The following NAT10 variants were observed in gnomAD, a reference collection of about 807,000 sequenced individuals.
The protein encoded by NAT10 is RNA cytidine acetyltransferase.
A neutral mutation model predicts 132.2 loss-of-function variants in NAT10; 109 were observed. The ratio of observed to expected loss-of-function variants is 0.82; its 90% CI spans 0.71 to 0.97. NAT10 has a LOEUF of 0.97. Ranked by LOEUF, NAT10 falls within the 50% of genes least tolerant of loss-of-function variation. NAT10 has a pLI of 0.00. For missense variants in NAT10, 1,184 were observed against 1,263.4 expected, an observed-to-expected ratio of 0.94 and a Z score of 0.95; for synonymous variants, 479 against 478.0, an observed-to-expected ratio of 1.00 and a Z score of -0.03.
At position 34,135,289 on chromosome 11, in the gene NAT10, G is replaced by A. The variant is rs773368813; in HGVS notation, c.2026G>A (p.Glu676Lys). The A allele has an allele frequency of 5.0e-6, 8 of 1,613,402 alleles. 1 individual carries two copies. Among genetic ancestry groups the A allele is most frequent in the South Asian group, 4.4e-5 (4 of 91,070 alleles). The change falls in exon 19 of 29, where the codon GAG (glutamate) becomes AAG (lysine). Residue 676 changes from glutamate to lysine, a missense_variant and splice_region_variant. Physicochemically the swap from Glu to Lys is moderately conservative, Grantham distance 56. Transcript: ENST00000257829. ...ACAGGAAATTCACACCGTAAGCAGC[G>A]AGGTAAGCATCTTTCGACAGACCTC... ...TPQEIHTVSS[E>K]AVSLLEEVIT...
intron 12 of NAT10, among the ~76,000 whole-genome samples, chr11:34,128,362 C>CA (rs914837839): frequency 0.018 from 1,202 of 67,174 alleles, 6 homozygotes; most frequent in Middle Eastern, 0.053. Context: ...AAAAACAAAA[C>CA]AAAAAAAAAA....
intron 23 of NAT10, among the ~76,000 whole-genome samples, chr11:34,140,143 G>A (rs1400898077): frequency 1.3e-5 from 2 of 152,066 alleles, no homozygotes; most frequent in South Asian, 2.1e-4. Context: ...GCCACAGGGA[G>A]CTTTTCCTTG....
In NAT10 at chr11:34,146,332, G is replaced by T. The variant is rs1402815857; in HGVS notation, c.*140G>T. The T allele has an allele frequency of 4.9e-6, 3 of 608,672 alleles. No individual in the cohort carries two copies. Among genetic ancestry groups the T allele is most frequent in the Non-Finnish European group, 8.6e-6 (3 of 347,708 alleles). 37.7% of individuals were successfully genotyped at this position (608,672 alleles called of 1,614,324 possible). A position where few individuals can be genotyped will look rare whatever the true frequency, so the allele number is the denominator to read the frequency against. Reference sequence around the variant, plus strand: ...CCGCGAATTCGGCCTCTGGGCCTGTGTGTCTGTGAGCTCAACCTGGCTAAA... The same window carrying T: ...CCGCGAATTCGGCCTCTGGGCCTGTTTGTCTGTGAGCTCAACCTGGCTAAA... On this transcript the variant is annotated 3_prime_UTR_variant, in exon 29 of 29. Coordinates refer to ENST00000257829, the MANE Select transcript of NAT10 (RefSeq NM_024662.3).
intron 27 of NAT10, among the ~76,000 whole-genome samples, chr11:34,142,966 T>G (rs528617456): frequency 7.2e-5 from 11 of 152,272 alleles, no homozygotes; most frequent in African/African-American, 2.4e-4. Flanking sequence ...CGAGCTCTAG[T>G]TTTTGCCCTC....
At chr11:34,129,140 A>G (rs574528527) in intron 12 of NAT10, among the ~76,000 whole-genome samples, 73 of 152,270 alleles carry the variant, frequency 4.8e-4, no homozygotes, top group Non-Finnish European at 1.0e-3. Context: ...CATGTTTTTC[A>G]GTTCTCTTAG....
At chr11:34,142,431 C>A in intron 27 of NAT10, 83 bp downstream of exon 27, 1 of 1,210,952 alleles carries the variant, frequency 8.3e-7, no homozygotes, top group Non-Finnish European at 1.2e-6. Context: ...AATCATATCC[C>A]ACGTGCCCTG....
chr11:34,126,160 G>C (rs1395695028), intron 11 of NAT10, among the ~76,000 whole-genome samples: 3 of 152,204 alleles, frequency 2.0e-5, no homozygotes, highest in East Asian at 1.9e-4. Flanking sequence ...GATGTTTGCT[G>C]TGTTTGTTTC....
chr11:34,121,056 G>A (rs1851883841), intron 8 of NAT10, among the ~76,000 whole-genome samples: 1 of 152,200 alleles, frequency 6.6e-6, no homozygotes, highest in African/African-American at 2.4e-5. Context: ...AGTAGGGGTG[G>A]AGGAGGAGAT....
chr11:34,111,629 A>G (rs1423932852), intron 3 of NAT10, among the ~76,000 whole-genome samples: 2 of 152,214 alleles, frequency 1.3e-5, no homozygotes, highest in African/African-American at 4.8e-5. Flanking sequence ...GGAAGGATGA[A>G]TAAAGTAACG....
intron 26 of NAT10, 96 bp downstream of exon 26, chr11:34,141,913 G>A (rs955675237): frequency 5.8e-6 from 6 of 1,036,356 alleles, no homozygotes; most frequent in Non-Finnish European, 7.3e-6. Context: ...TTTAGAAAGA[G>A]TCCTCTGCAC....
intron 18 of NAT10, among the ~76,000 whole-genome samples, chr11:34,134,876 A>G (rs182588961): frequency 2.7e-4 from 41 of 152,332 alleles, no homozygotes; most frequent in Admixed American, 6.5e-4. Context: ...TTTTCAGGCA[A>G]TGGTACAGAA....
At position 34,132,207 on chromosome 11, in the gene NAT10, G is replaced by T. The variant is rs749925063; in HGVS notation, c.1603G>T (p.Ala535Ser). The change falls in exon 15 of 29, where the codon GCT becomes TCT. Residue 535 changes from alanine to serine, a missense_variant. Physicochemically the swap from Ala to Ser is moderately conservative, Grantham distance 99. Coordinates refer to ENST00000257829, the MANE Select transcript of NAT10 (RefSeq NM_024662.3). ...CCAACGGCTTATGGCCCTCTACGTGGCTTCTCACTACAAGGTAACTGCAGC... is the reference window on the plus strand; with the variant it reads ...CCAACGGCTTATGGCCCTCTACGTGTCTTCTCACTACAAGGTAACTGCAGC... ...FLQRLMALYV[A>S]SHYKNSPNDL... 1.9e-6 allele frequency: 3 copies of T among 1,613,694 alleles called. No homozygotes were observed. The East Asian group carries it at 6.7e-5, about 36-fold the overall frequency.
chr11:34,114,800 C>T (rs1234316938), intron 5 of NAT10, among the ~76,000 whole-genome samples: 1 of 152,202 alleles, frequency 6.6e-6, no homozygotes, highest in African/African-American at 2.4e-5. Flanking sequence ...CTTCAAAGCA[C>T]TTGACAATGA....
At position 34,133,102 on chromosome 11, in the gene NAT10, C is replaced by T; in HGVS notation, c.1694C>T (p.Pro565Leu). The T allele has an allele frequency of 1.9e-6, 3 of 1,614,160 alleles. No individual in the cohort carries two copies. Among genetic ancestry groups the T allele is most frequent in the South Asian group, 2.2e-5 (2 of 91,076 alleles). Residue 565 changes from proline (P) to leucine (L), a missense_variant, in exon 16 of 29, where the codon CCC becomes CTC. Coordinates refer to ENST00000257829, the MANE Select transcript of NAT10 (RefSeq NM_024662.3). Reference protein sequence around the residue: ...HLFCLLPPVPPTQNALPEVLA... With the variant: ...HLFCLLPPVPLTQNALPEVLA... ...TTCTGCCTTCTGCCTCCCGTGCCCC[C>T]CACCCAGAATGCCCTTCCAGAAGTG...
chr11:34,139,690 T>TCTGG (rs1273526461), intron 23 of NAT10, among the ~76,000 whole-genome samples, 195 bp downstream of exon 23: 1 of 152,196 alleles, frequency 6.6e-6, no homozygotes, highest in East Asian at 1.9e-4. Context: ...ATGGTAAGAC[T>TCTGG]CTGGCTGTGC....
intron 8 of NAT10, among the ~76,000 whole-genome samples, chr11:34,120,133 GTTGCT>G (rs1851864221): frequency 1.8e-5 from 2 of 113,674 alleles, no homozygotes; most frequent in Non-Finnish European, 1.8e-5. Context: ...TGTTGTTGTT[GTTGCT>G]GTTGGTTTTT....
intron 14 of NAT10, 49 bp from the exon 15 acceptor site, chr11:34,132,076 C>G: frequency 7.2e-7 from 1 of 1,379,374 alleles, no homozygotes. Context: ...AGTAGTATGA[C>G]CTGTCTTCGG....
At position 34,139,479 on chromosome 11, in the gene NAT10, G is replaced by A; in HGVS notation, c.2403G>A (p.Gly801=). The change falls in exon 23 of 29, where the codon GGG becomes GGA. Residue 801 remains glycine (G), a synonymous_variant. Coordinates refer to ENST00000257829, the MANE Select transcript of NAT10 (RefSeq NM_024662.3). ...ACATCATTCAGAACAGGAACATGGG[G>A]AAGCCAGCCCAGCCTGGTGAGCCGG... ...ALNIIQNRNM[G]KPAQPALSRE... is the part of the protein sequence containing the mutation. 6.2e-7 allele frequency: 1 copy of A among 1,614,082 alleles called. No homozygotes were observed. The highest frequency in any genetic ancestry group is 8.5e-7 in the Non-Finnish European group (1 of 1,179,966).
At chr11:34,131,690 C>CTTTTTTT (rs372631421) in intron 14 of NAT10, among the ~76,000 whole-genome samples, 159 bp downstream of exon 14, 1 of 123,918 alleles carries the variant, frequency 8.1e-6, no homozygotes. Flanking sequence ...TTTTTTCTTT[C>CTTTTTTT]TTTTTTTTTT....
Sources: gnomAD v4.1 joint callset for allele counts (sites outside exome capture counted in the v4.1 genomes callset) on GRCh38, gnomAD v4.1.1 for gene constraint, MANE v1.5 for transcripts, NCBI Gene and HGNC (gene_info 2026-07-23, HGNC 2026-07-21) for gene names.